The following NALF1 variants were observed in gnomAD, a reference collection of about 807,000 sequenced individuals.
The protein encoded by NALF1 is NALCN channel auxiliary factor 1, also known as family with sequence similarity 155 member A.
In NALF1, 3 loss-of-function variants were observed where a neutral mutation model predicts 48.4. The ratio of observed to expected loss-of-function variants is 0.06; its 90% CI spans 0.03 to 0.16. The LOEUF (loss-of-function observed/expected upper bound fraction) is 0.16. Among genes scored for constraint, NALF1 ranks in the 10% least tolerant of loss-of-function variants. The pLI, the probability that NALF1 is intolerant of heterozygous loss-of-function variation, is 1.00. For synonymous variants in NALF1, 262 were observed against 245.7 expected (o/e 1.07, Z -0.62); for missense variants, 526 against 571.5 (o/e 0.92, Z 0.81).
intron 1 of NALF1, among the ~76,000 whole-genome samples, chr13:107,778,003 TTGC>T (rs1348017147): frequency 6.6e-6 from 1 of 152,216 alleles, no homozygotes; most frequent in African/African-American, 2.4e-5. Flanking sequence ...GCTGATTCAT[TTGC>T]TGATGAATTA....
chr13:107,433,833 C>G (rs900461661), intron 1 of NALF1, among the ~76,000 whole-genome samples: 13 of 152,140 alleles, frequency 8.5e-5, no homozygotes, highest in Non-Finnish European at 1.5e-5. Context: ...TGCTGGAACA[C>G]AGACCCATCT....
chr13:107,336,421 A>T (rs1882558100), intron 1 of NALF1, among the ~76,000 whole-genome samples: 1 of 151,980 alleles, frequency 6.6e-6, no homozygotes, highest in Non-Finnish European at 1.5e-5. Flanking sequence ...CGAGTAGAAA[A>T]ATTACATTTC....
At chr13:107,830,761 G>A (rs1879695251) in intron 1 of NALF1, among the ~76,000 whole-genome samples, 1 of 152,136 alleles carries the variant, frequency 6.6e-6, no homozygotes, top group Non-Finnish European at 1.5e-5. Flanking sequence ...CCTCCAAAGG[G>A]AGGTCAAAGA....
chr13:107,366,095 A>T (rs1285339816), intron 1 of NALF1, among the ~76,000 whole-genome samples: 1 of 152,226 alleles, frequency 6.6e-6, no homozygotes, highest in Admixed American at 6.5e-5. Context: ...ATCAGGATTT[A>T]CTTTGATAGA....
intron 1 of NALF1, among the ~76,000 whole-genome samples, chr13:107,633,304 C>T (rs1409944839): frequency 7.9e-5 from 12 of 151,960 alleles, no homozygotes; most frequent in Non-Finnish European, 1.5e-5. Context: ...AAAATTGTGT[C>T]AGAGTACTCA....
intron 2 of NALF1, among the ~76,000 whole-genome samples, chr13:107,178,700 T>C (rs1414170839): frequency 6.6e-6 from 1 of 152,098 alleles, no homozygotes; most frequent in Non-Finnish European, 1.5e-5. Flanking sequence ...TCCCAGCACT[T>C]TGGCAGGCCA....
intron 1 of NALF1, among the ~76,000 whole-genome samples, chr13:107,552,601 T>C (rs557889459): frequency 6.6e-6 from 1 of 152,274 alleles, no homozygotes; most frequent in African/African-American, 2.4e-5. Context: ...GAACACCACT[T>C]ACAGGCACCA....
At position 107,748,931 on chromosome 13, in the gene NALF1, A is replaced by T. The variant is rs147356907; in HGVS notation, c.915+116751T>A. Among the ~76,000 whole-genome samples the T allele has an allele frequency of 4.2e-3, 633 of 152,274 alleles. 4 individuals are homozygous for T. Among genetic ancestry groups the T allele is most frequent in the African/African-American group, 0.014 (600 of 41,560 alleles). The stretch of plus-strand genomic sequence containing the variant: ...ACCAGATAGCCTGAGAACACACACA[A>T]TACACATGAGGAATGCTGAGAGGTC... On this transcript the variant is annotated intron_variant, in intron 1 of 2. Coordinates refer to ENST00000375915, the MANE Select transcript of NALF1 (RefSeq NM_001080396.3).
At chr13:107,517,877 G>A (rs1409616411) in intron 1 of NALF1, among the ~76,000 whole-genome samples, 1 of 151,920 alleles carries the variant, frequency 6.6e-6, no homozygotes, top group Non-Finnish European at 1.5e-5. Context: ...TCTTCAACCC[G>A]GGAGGTGGAC....
intron 1 of NALF1, among the ~76,000 whole-genome samples, chr13:107,352,396 G>A (rs953738297): frequency 3.3e-5 from 5 of 152,128 alleles, no homozygotes; most frequent in Non-Finnish European, 7.3e-5. Flanking sequence ...CAACAGTGTC[G>A]TAGTCAGTTT....
chr13:107,414,745 T>C (rs1884055588), intron 1 of NALF1, among the ~76,000 whole-genome samples: 1 of 152,040 alleles, frequency 6.6e-6, no homozygotes, highest in South Asian at 2.1e-4. Flanking sequence ...TACAGATTAT[T>C]TCCATAAAAT....
At chr13:107,713,048 T>C (rs1875650499) in intron 1 of NALF1, among the ~76,000 whole-genome samples, 1 of 152,180 alleles carries the variant, frequency 6.6e-6, no homozygotes, top group African/African-American at 2.4e-5. Context: ...GAGGTGTCCC[T>C]GCCTGCAGCT....
intron 1 of NALF1, among the ~76,000 whole-genome samples, chr13:107,707,395 C>T (rs970535356): frequency 1.3e-5 from 2 of 152,134 alleles, no homozygotes; most frequent in Admixed American, 6.5e-5. Flanking sequence ...ATTGTTTTGG[C>T]CGCCTCACTT....
At position 107,729,467 on chromosome 13, in the gene NALF1, A is replaced by G. The variant is rs372875957; in HGVS notation, c.915+136215T>C. Among the ~76,000 whole-genome samples the G allele has an allele frequency of 3.9e-5, 6 of 151,920 alleles. No individual in the cohort carries two copies. In the East Asian group the frequency reaches 7.7e-4, roughly 20 times the overall value. ...TGTAATGTATAAAGTTGCTATTAAA[A>G]TGTTAGGTATTGATGCTTTTTTTTT... On this transcript the variant is annotated intron_variant, in intron 1 of 2. Transcript: ENST00000375915.
intron 1 of NALF1, among the ~76,000 whole-genome samples, chr13:107,290,180 A>C (rs1271918268): frequency 6.9e-6 from 1 of 144,202 alleles, no homozygotes; most frequent in Admixed American, 6.8e-5. Flanking sequence ...CCAGCAAAAA[A>C]AAAAAACAAA....
intron 1 of NALF1, among the ~76,000 whole-genome samples, chr13:107,469,965 G>A (rs1490083162): frequency 1.3e-5 from 2 of 151,462 alleles, no homozygotes; most frequent in African/African-American, 2.4e-5. Flanking sequence ...GGATGGTCTC[G>A]ATCTCCTGAC....
intron 1 of NALF1, among the ~76,000 whole-genome samples, chr13:107,670,982 G>A (rs553688964): frequency 6.6e-6 from 1 of 152,128 alleles, no homozygotes; most frequent in East Asian, 1.9e-4. Context: ...TCCCAGCTCT[G>A]TTGATTTTTA....
intron 1 of NALF1, among the ~76,000 whole-genome samples, chr13:107,714,634 A>AAAAAAAAAG (rs1370401022): frequency 2.0e-5 from 3 of 151,440 alleles, no homozygotes; most frequent in East Asian, 1.9e-4. Context: ...ATTAAAAAAA[A>AAAAAAAAAG]AAAAAGAAAG....
chr13:107,423,298 G>T (rs963839702), intron 1 of NALF1, among the ~76,000 whole-genome samples: 1 of 152,192 alleles, frequency 6.6e-6, no homozygotes, highest in Non-Finnish European at 1.5e-5. Context: ...GGTCAGGAAT[G>T]CTGGGAAAAA....
Sources: allele counts gnomAD v4.1 joint callset (sites outside exome capture counted in the v4.1 genomes callset), GRCh38; gene constraint gnomAD v4.1.1; transcripts MANE v1.5; gene names NCBI Gene and HGNC (gene_info 2026-07-23, HGNC 2026-07-21).